ABI3BP: variants seen among roughly 807,000 people sequenced by gnomAD.
The protein encoded by ABI3BP is target of Nesh-SH3.
Under a neutral mutation model 268.6 loss-of-function variants are expected in ABI3BP, and 216 were observed. That is an observed-to-expected ratio of 0.80 (90% confidence interval 0.72 to 0.90). The LOEUF (loss-of-function observed/expected upper bound fraction) is 0.90. Ranked by LOEUF, ABI3BP falls within the 40% of genes least tolerant of loss-of-function variation. The pLI, the probability that ABI3BP is intolerant of heterozygous loss-of-function variation, is 0.00. For synonymous variants in ABI3BP, 730 were observed against 730.0 expected, an observed-to-expected ratio of 1.00 and a Z score of 0.00; for missense variants, 2,090 against 2,182.4, an observed-to-expected ratio of 0.96 and a Z score of 0.84.
intron 57 of ABI3BP, among the ~76,000 whole-genome samples, chr3:100,780,508 G>A (rs1430564966): frequency 6.6e-6 from 1 of 151,988 alleles, no homozygotes; most frequent in African/African-American, 2.4e-5. Flanking sequence ...CACCAGGTGG[G>A]ATTTCATTTA....
chr3:100,755,844 G>A (rs958746836), intron 63 of ABI3BP, among the ~76,000 whole-genome samples: 3 of 152,146 alleles, frequency 2.0e-5, no homozygotes, highest in Non-Finnish European at 2.9e-5. Flanking sequence ...CAAGGCTTTT[G>A]GGAGATAAAT....
rs190245269 is a variant in ABI3BP, at chr3:100,833,247, T to C, written c.2282-90A>G. The C allele has an allele frequency of 6.2e-5, 77 of 1,236,698 alleles. No individual in the cohort carries two copies. The African/African-American group carries it at 6.5e-4, about 10-fold the overall frequency. The allele number at this position is 1,236,698 out of a possible 1,614,324, so 76.6% of individuals were successfully genotyped here. ...CATCATTCTCTTGAAAAGTGAACTT[T>C]ACCATTATAGCGTTGGTTCTATAGC... On this transcript the variant is annotated intron_variant, in intron 29 of 67. Coordinates refer to ENST00000471714, the MANE Select transcript of ABI3BP (RefSeq NM_001375547.2).
intron 49 of ABI3BP, among the ~76,000 whole-genome samples, chr3:100,810,155 T>C (rs1339607060): frequency 1.3e-5 from 2 of 152,124 alleles, no homozygotes; most frequent in East Asian, 1.9e-4. Flanking sequence ...AGAATATAAA[T>C]GTTCTTCCCA....
chr3:100,963,275 C>T (rs916662433), intron 1 of ABI3BP, among the ~76,000 whole-genome samples: 4 of 152,192 alleles, frequency 2.6e-5, no homozygotes, highest in Non-Finnish European at 5.9e-5. Flanking sequence ...TTATGATTCA[C>T]ATTCTCAATG....
At chr3:100,825,320 A>G (rs904606524) in intron 35 of ABI3BP, among the ~76,000 whole-genome samples, 1 of 152,180 alleles carries the variant, frequency 6.6e-6, no homozygotes, top group African/African-American at 2.4e-5. Flanking sequence ...TAGTTGTCAA[A>G]CTAGTAATAA....
At chr3:100,989,092 G>T (rs1372740026) in intron 1 of ABI3BP, among the ~76,000 whole-genome samples, 2 of 152,144 alleles carry the variant, frequency 1.3e-5, no homozygotes, top group Admixed American at 6.5e-5. Flanking sequence ...GAATGGGATT[G>T]GGTGCCCTTA....
At chr3:100,932,445 C>T (rs1259375275) in intron 1 of ABI3BP, among the ~76,000 whole-genome samples, 1 of 152,104 alleles carries the variant, frequency 6.6e-6, no homozygotes, top group African/African-American at 2.4e-5. Flanking sequence ...AACTACTCAT[C>T]TGACAAAGGT....
At chr3:100,958,738 A>C (rs2077723113) in intron 1 of ABI3BP, among the ~76,000 whole-genome samples, 1 of 152,248 alleles carries the variant, frequency 6.6e-6, no homozygotes, top group Admixed American at 6.5e-5. Flanking sequence ...ATGCCACTGG[A>C]TGCTATAGAA....
At chr3:100,774,817 C>T in intron 60 of ABI3BP, 144 bp from the exon 61 acceptor site, 4 of 681,686 alleles carry the variant, frequency 5.9e-6, no homozygotes, top group Non-Finnish European at 7.2e-6. Context: ...ACATATTCAT[C>T]CACAATATAA....
intron 1 of ABI3BP, among the ~76,000 whole-genome samples, chr3:100,949,102 T>G (rs2073812203): frequency 6.6e-6 from 1 of 152,230 alleles, no homozygotes; most frequent in Non-Finnish European, 1.5e-5. Context: ...TTCTTCAATA[T>G]AAATATAGCT....
At chr3:100,981,696 G>T (rs2089543753) in intron 1 of ABI3BP, among the ~76,000 whole-genome samples, 1 of 152,314 alleles carries the variant, frequency 6.6e-6, no homozygotes, top group South Asian at 2.1e-4. Context: ...GACTCCTTCA[G>T]GGAGAGCTGG....
chr3:100,803,412 C>T (rs145787297), intron 51 of ABI3BP, among the ~76,000 whole-genome samples: 1 of 142,410 alleles, frequency 7.0e-6, no homozygotes, highest in African/African-American at 2.5e-5. Flanking sequence ...GAAGGACTAG[C>T]TAACAGAGAA....
chr3:100,797,562 GTTT>G (rs575648416), intron 51 of ABI3BP, among the ~76,000 whole-genome samples: 5 of 129,698 alleles, frequency 3.9e-5, no homozygotes, highest in Admixed American at 7.8e-5. Flanking sequence ...TGAAGAAACT[GTTT>G]TTTTTTTTTT....
chr3:100,862,632 T>G, intron 13 of ABI3BP: 1 of 583,718 alleles, frequency 1.7e-6, no homozygotes, highest in Non-Finnish European at 3.0e-6. Context: ...AAAAGCTAAG[T>G]GGATTATGTG....
chr3:100,777,419 T>C (rs1223448564), intron 59 of ABI3BP, among the ~76,000 whole-genome samples: 3 of 152,196 alleles, frequency 2.0e-5, no homozygotes, highest in African/African-American at 7.2e-5. Flanking sequence ...TTTATTCACT[T>C]TGTTATTACT....
Position 100,793,155 on chromosome 3 carries a change from G to A in ABI3BP, c.3947-387C>T, listed in dbSNP as rs187494296. Among the ~76,000 whole-genome samples the A allele has an allele frequency of 4.3e-4, 66 of 151,820 alleles. 1 individual carries two copies. Among genetic ancestry groups the A allele is most frequent in the African/African-American group, 1.5e-3 (64 of 41,448 alleles). On this transcript the variant is annotated intron_variant, in intron 54 of 67. Coordinates refer to ENST00000471714, the MANE Select transcript of ABI3BP (RefSeq NM_001375547.2). ...ACATGTTATTTTGATGAGCTGGAAA[G>A]GAAGTATATCATATGAAAAGATGTA...
At chr3:100,923,025 C>T (rs893444619) in intron 2 of ABI3BP, among the ~76,000 whole-genome samples, 13 of 151,880 alleles carry the variant, frequency 8.6e-5, no homozygotes, top group Non-Finnish European at 1.0e-4. Context: ...TAAAGAAATA[C>T]GGAAAAGGAA....
In ABI3BP at chr3:100,749,833, A is replaced by G. The variant is rs2095225963; in HGVS notation, c.*662T>C. The G allele has an allele frequency of 2.5e-6, 1 of 396,826 alleles. No individual in the cohort carries two copies. The highest frequency in any genetic ancestry group is 4.4e-6 in the Non-Finnish European group (1 of 225,268). 24.6% of individuals were successfully genotyped at this position (396,826 alleles called of 1,614,324 possible). ...TGTATCTTTTGAAACAATATATTAG[A>G]CTCCATTTTTAGCTGAAATGAAATT... On this transcript the variant is annotated 3_prime_UTR_variant, in exon 68 of 68. Coordinates refer to ENST00000471714, the MANE Select transcript of ABI3BP (RefSeq NM_001375547.2).
At chr3:100,826,291 T>C (rs2098383035) in intron 34 of ABI3BP, among the ~76,000 whole-genome samples, 1 of 152,232 alleles carries the variant, frequency 6.6e-6, no homozygotes, top group Admixed American at 6.5e-5. Context: ...CTTCTGTTAT[T>C]TAAGCCACCT....
Sources: gnomAD v4.1 joint callset for allele counts (sites outside exome capture counted in the v4.1 genomes callset) on GRCh38, gnomAD v4.1.1 for gene constraint, MANE v1.5 for transcripts, NCBI Gene and HGNC (gene_info 2026-07-23, HGNC 2026-07-21) for gene names.